EPCAM: variants seen among roughly 807,000 people sequenced by gnomAD.
EPCAM encodes adenocarcinoma-associated antigen.
A neutral mutation model predicts 40.0 loss-of-function variants in EPCAM; 39 were observed. The observed-to-expected ratio is 0.98, with a 90% CI of 0.76 to 1.27. EPCAM has a LOEUF of 1.27. Ranked by LOEUF, EPCAM falls within the 50% of genes most tolerant of loss-of-function variation. EPCAM has a pLI of 0.00. For synonymous variants in EPCAM, 168 were observed against 132.3 expected (o/e 1.27, Z -1.85); for missense variants, 503 against 381.2 (o/e 1.32, Z -2.66).
At chr2:47,369,941 G>C (rs1671205205) in intron 1 of EPCAM, 1 of 387,590 alleles carries the variant, frequency 2.6e-6, no homozygotes, top group African/African-American at 2.1e-5. Context: ...GGTGGACTTG[G>C]GGTTCCAAAA....
chr2:47,371,072 T>A (rs960005964), intron 1 of EPCAM, among the ~76,000 whole-genome samples: 2 of 152,202 alleles, frequency 1.3e-5, no homozygotes, highest in Non-Finnish European at 2.9e-5. Flanking sequence ...CTCGAACTCC[T>A]GGGCTCAAGT....
intron 1 of EPCAM, chr2:47,369,839 G>A: frequency 1.6e-6 from 1 of 617,010 alleles, no homozygotes; most frequent in South Asian, 1.6e-5. Context: ...CGGAGGCGGG[G>A]GACAGGCAGG....
chr2:47,381,033 C>A (rs1671574377), intron 7 of EPCAM, among the ~76,000 whole-genome samples: 1 of 126,988 alleles, frequency 7.9e-6, no homozygotes, highest in African/African-American at 2.9e-5. Flanking sequence ...TTGTAGTGCG[C>A]CAAGATCATG....
intron 5 of EPCAM, among the ~76,000 whole-genome samples, chr2:47,378,238 A>G (rs917685794): frequency 4.6e-5 from 7 of 152,056 alleles, no homozygotes; most frequent in Admixed American, 4.6e-4. Context: ...TCTCAAAAAC[A>G]AAACAAAAAA....
chr2:47,379,341 A>G (rs1267765888), intron 6 of EPCAM, among the ~76,000 whole-genome samples: 1 of 152,210 alleles, frequency 6.6e-6, no homozygotes, highest in Non-Finnish European at 1.5e-5. Flanking sequence ...TATGATATTT[A>G]TAATTTACAC....
chr2:47,372,431 A>T (rs540962184), intron 1 of EPCAM, among the ~76,000 whole-genome samples: 37 of 151,896 alleles, frequency 2.4e-4, no homozygotes, highest in African/African-American at 8.7e-4. Flanking sequence ...TGAGGTCAGG[A>T]GTCCTAGACC....
At chr2:47,372,705 G>A (rs181474375) in intron 1 of EPCAM, among the ~76,000 whole-genome samples, 1 of 150,368 alleles carries the variant, frequency 6.7e-6, no homozygotes, top group African/African-American at 2.4e-5. Context: ...CTGGGAGATG[G>A]ATGTTGCAGT....
intron 8 of EPCAM, 122 bp from the exon 9 acceptor site, chr2:47,386,450 T>C: frequency 1.4e-6 from 1 of 727,918 alleles, no homozygotes; most frequent in Non-Finnish European, 2.3e-6. Context: ...ATAAGTCTTA[T>C]AAATGTGGGA....
Position 47,376,326 on chromosome 2 carries a change from G to A in EPCAM, c.492-688G>A, listed in dbSNP as rs547309387. On this transcript the variant is annotated intron_variant, in intron 4 of 8. Transcript: ENST00000263735. ...GGCTGGAGTGCAATGGTGCAATCAC[G>A]GCTCACCGCAACCTCTGCTTCCCGG... is the stretch of plus-strand genomic sequence containing the variant. 3.1e-4 allele frequency among the ~76,000 whole-genome samples: 46 copies of A among 146,944 alleles called. No homozygotes were observed. In the East Asian group the frequency reaches 5.8e-3, roughly 19 times the overall value.
chr2:47,382,151 GAA>G (rs918969226), intron 7 of EPCAM, among the ~76,000 whole-genome samples: 5 of 151,844 alleles, frequency 3.3e-5, no homozygotes, highest in African/African-American at 1.2e-4. Context: ...CGATGGGCAT[GAA>G]AAAAATATGG....
chr2:47,381,887 C>T (rs566527412), intron 7 of EPCAM, among the ~76,000 whole-genome samples: 16 of 152,254 alleles, frequency 1.1e-4, no homozygotes, highest in African/African-American at 3.9e-4. Context: ...CTGACCTATC[C>T]TCCCAAGTAG....
intron 7 of EPCAM, among the ~76,000 whole-genome samples, chr2:47,380,962 A>T (rs766823216): frequency 4.0e-5 from 6 of 151,484 alleles, no homozygotes; most frequent in Admixed American, 1.3e-4. Flanking sequence ...GTGGTGGCAC[A>T]TGCCTGTAAT....
chr2:47,377,035 A>G lies in EPCAM; in HGVS notation c.513A>G (p.Thr171=). ...ACAGTGCACTTCAGAAGGAGATCAC[A>G]ACGCGTTATCAACTGGATCCAAAAT... ...SLRTALQKEI[T]TRYQLDPKFI... The change falls in exon 5 of 9, where the codon ACA becomes ACG. Residue 171 remains threonine, a synonymous_variant. Coordinates refer to ENST00000263735, the MANE Select transcript of EPCAM (RefSeq NM_002354.3). The G allele has an allele frequency of 1.2e-6, 2 of 1,610,762 alleles. No homozygotes were observed. The highest frequency in any genetic ancestry group is 1.3e-5 in the African/African-American group (1 of 74,974).
At chr2:47,375,065 G>A (rs1001560251) in intron 3 of EPCAM, among the ~76,000 whole-genome samples, 169 bp from the exon 4 acceptor site, 5 of 152,096 alleles carry the variant, frequency 3.3e-5, no homozygotes, top group African/African-American at 1.2e-4. Flanking sequence ...TTCCCTCCTG[G>A]GTGTGTCCTT....
chr2:47,372,930 G>T (rs946939964), intron 1 of EPCAM, among the ~76,000 whole-genome samples: 1 of 152,026 alleles, frequency 6.6e-6, no homozygotes, highest in African/African-American at 2.4e-5. Flanking sequence ...AGGAGGCCAG[G>T]CACAGTGGCT....
At chr2:47,373,725 C>G (rs902987682) in intron 2 of EPCAM, 83 bp from the exon 3 acceptor site, 1 of 1,579,616 alleles carries the variant, frequency 6.3e-7, no homozygotes, top group South Asian at 1.1e-5. Context: ...ATCTTTGACC[C>G]TGGAACTTTA....
chr2:47,382,107 T>G (rs747197110), intron 7 of EPCAM, among the ~76,000 whole-genome samples: 22 of 152,134 alleles, frequency 1.4e-4, no homozygotes, highest in Middle Eastern at 6.8e-3. Flanking sequence ...ATTAAGCATT[T>G]TATATGGCAA....
At chr2:47,384,540 A>G (rs575035390) in intron 7 of EPCAM, among the ~76,000 whole-genome samples, 1 of 150,930 alleles carries the variant, frequency 6.6e-6, no homozygotes, top group East Asian at 1.9e-4. Flanking sequence ...CAGTCTCCCA[A>G]GTAGCTGGGA....
At chr2:47,377,173 C>G in intron 5 of EPCAM, 96 bp downstream of exon 5, 1 of 838,204 alleles carries the variant, frequency 1.2e-6, no homozygotes, top group Non-Finnish European at 2.1e-6. Flanking sequence ...TGGTTAAATG[C>G]ACTTACTGGA....
Sources: allele counts gnomAD v4.1 joint callset (sites outside exome capture counted in the v4.1 genomes callset), GRCh38; gene constraint gnomAD v4.1.1; transcripts MANE v1.5; gene names NCBI Gene and HGNC (gene_info 2026-07-23, HGNC 2026-07-21).